CIT: variants seen among roughly 807,000 people sequenced by gnomAD.
CIT encodes citron Rho-interacting kinase.
A neutral mutation model predicts 272.7 loss-of-function variants in CIT; 79 were observed. The ratio of observed to expected loss-of-function variants is 0.29; its 90% CI spans 0.24 to 0.35. The LOEUF (loss-of-function observed/expected upper bound fraction) is 0.35, where lower values mean the gene tolerates loss of function less well. Among genes scored for constraint, CIT ranks in the 10% least tolerant of loss-of-function variants. The pLI is 1.00. For synonymous variants in CIT, 948 were observed against 995.6 expected (o/e 0.95, Z 0.90); for missense variants, 1,909 against 2,618.3 (o/e 0.73, Z 5.91).
At chr12:119,714,958 C>T (rs1957371810) in intron 32 of CIT, among the ~76,000 whole-genome samples, 1 of 152,226 alleles carries the variant, frequency 6.6e-6, no homozygotes, top group Non-Finnish European at 1.5e-5. Context: ...TATGGTTTGG[C>T]TGTGTCCCCA....
chr12:119,698,774 G>T (rs1179148504), intron 44 of CIT, among the ~76,000 whole-genome samples: 2 of 152,022 alleles, frequency 1.3e-5, no homozygotes, highest in African/African-American at 4.8e-5. Flanking sequence ...CTGGAAAAAA[G>T]AATATATATA....
intron 10 of CIT, among the ~76,000 whole-genome samples, chr12:119,801,807 CCA>C (rs1459384925): frequency 2.0e-5 from 3 of 152,222 alleles, no homozygotes; most frequent in Non-Finnish European, 4.4e-5. Context: ...CCACCACCAT[CCA>C]GATTGCTTTG....
chr12:119,734,203 C>A lies in CIT; in HGVS notation c.3311G>T (p.Arg1104Leu). The A allele has an allele frequency of 6.2e-7, 1 of 1,613,764 alleles. No individual in the cohort carries two copies. The highest frequency in any genetic ancestry group is 8.5e-7 in the Non-Finnish European group (1 of 1,179,972). ...GGTGTCCAGCATTCTCTGCAGCTCT[C>A]GAACCCGACACTCAAACTGGGATTT... ...DEKSQFECRV[R>L]ELQRMLDTEK... The change falls in exon 26 of 48, where the codon CGA (arginine) becomes CTA (leucine). Residue 1104 changes from arginine to leucine, a missense_variant. By Grantham distance (102) the Arg-to-Leu change is moderately radical. Transcript: ENST00000392521.
chr12:119,758,262 A>T (rs1375145505), intron 21 of CIT, among the ~76,000 whole-genome samples: 1 of 152,208 alleles, frequency 6.6e-6, no homozygotes, highest in Non-Finnish European at 1.5e-5. Flanking sequence ...CTGGGCACAC[A>T]CAATTTCACC....
chr12:119,725,627 G>A (rs1243175646), intron 28 of CIT, among the ~76,000 whole-genome samples: 1 of 152,158 alleles, frequency 6.6e-6, no homozygotes, highest in Non-Finnish European at 1.5e-5. Flanking sequence ...TCAGCCAGAA[G>A]TCTGTGCTCA....
At chr12:119,689,065 G>C (rs1461576081) in intron 47 of CIT, among the ~76,000 whole-genome samples, 1 of 152,044 alleles carries the variant, frequency 6.6e-6, no homozygotes, top group Non-Finnish European at 1.5e-5. Flanking sequence ...TGTAGTCGCA[G>C]CTATTCAGGA....
chr12:119,779,865 C>G (rs1964123779), intron 13 of CIT, among the ~76,000 whole-genome samples: 1 of 152,194 alleles, frequency 6.6e-6, no homozygotes, highest in African/African-American at 2.4e-5. Context: ...GTGCAGGATA[C>G]TTCAAGGAAA....
chr12:119,798,641 A>G (rs1455843287), intron 10 of CIT, among the ~76,000 whole-genome samples: 1 of 152,152 alleles, frequency 6.6e-6, no homozygotes, highest in African/African-American at 2.4e-5. Context: ...ACCAACCCAA[A>G]TATTTTACTT....
chr12:119,835,405 TC>T (rs573836558), intron 5 of CIT, among the ~76,000 whole-genome samples: 1 of 151,714 alleles, frequency 6.6e-6, no homozygotes, highest in Non-Finnish European at 1.5e-5. Context: ...TTCCCTTTCT[TC>T]CCCCCCACTT....
rs1964590165 is a variant in CIT at position 119,784,498 on chromosome 12, G to C, written c.1402-447C>G. On this transcript the variant is annotated intron_variant, in intron 11 of 47. Transcript: ENST00000392521. This position sits in a 1 kb window ranked among gnomAD's most constrained non-coding sequence, Gnocchi z 4.7. ...CTCTTAGGAGTCCCAGGCAAGCAGT[G>C]ACTTATTAGTTTCCAGAGCGTTGCC... is the stretch of plus-strand genomic sequence containing the variant. The C allele has an allele frequency of 7.6e-6, 9 of 1,187,448 alleles. No individual in the cohort carries two copies. In the South Asian group the frequency reaches 1.5e-4, roughly 20 times the overall value. 73.6% of individuals were successfully genotyped at this position (1,187,448 alleles called of 1,614,324 possible). A position where few individuals can be genotyped will look rare whatever the true frequency, so the allele number is the denominator to read the frequency against.
intron 3 of CIT, among the ~76,000 whole-genome samples, chr12:119,860,337 G>A (rs1950300671): frequency 6.6e-6 from 1 of 152,088 alleles, no homozygotes; most frequent in South Asian, 2.1e-4. Flanking sequence ...CGTGACCACT[G>A]TAAAAAACAA....
At chr12:119,693,645 G>A (rs772692122) in intron 46 of CIT, among the ~76,000 whole-genome samples, 1 of 152,206 alleles carries the variant, frequency 6.6e-6, no homozygotes, top group African/African-American at 2.4e-5. Context: ...GGACTGTGGT[G>A]CACTGAGCAG....
Position 119,697,933 on chromosome 12 carries a change from CCCAATAGCTGAAGTTTT to C in CIT, c.5702+26_5702+42del. The C allele has an allele frequency of 6.2e-7, 1 of 1,613,400 alleles. No individual in the cohort carries two copies. Among genetic ancestry groups the C allele is most frequent in the Non-Finnish European group, 8.5e-7 (1 of 1,179,374 alleles). ...ACATGCGGCCGGCCCCAACACCTAC[CCCAATAGCTGAAGTTTT>C]CCACGCATGGGAGGACAATGCTTAC... On this transcript the variant is annotated intron_variant, in intron 45 of 47. Coordinates refer to ENST00000392521, the MANE Select transcript of CIT (RefSeq NM_001206999.2). The surrounding 1 kb of genome is among the most constrained non-coding windows in gnomAD (Gnocchi z 4.9).
chr12:119,724,221 G>A (rs1176024004), intron 28 of CIT, among the ~76,000 whole-genome samples: 2 of 152,132 alleles, frequency 1.3e-5, no homozygotes, highest in Admixed American at 1.3e-4. Flanking sequence ...TATCTCCCAG[G>A]AACATTGCAA....
At chr12:119,747,863 G>C (rs564751327) in intron 23 of CIT, among the ~76,000 whole-genome samples, 52 of 152,222 alleles carry the variant, frequency 3.4e-4, no homozygotes, top group Middle Eastern at 3.4e-3. Context: ...TCTTAGTATT[G>C]TTATGAAAAC....
At position 119,718,490 on chromosome 12, in the gene CIT, C is replaced by T; in HGVS notation, c.4004-81G>A. On this transcript the variant is annotated intron_variant, in intron 31 of 47. Coordinates refer to ENST00000392521, the MANE Select transcript of CIT (RefSeq NM_001206999.2). This position sits in a 1 kb window ranked among gnomAD's most constrained non-coding sequence, Gnocchi z 4.8. ...ACTAAGCCGAATGTCCCTGGGCTAT[C>T]TTTCAAGGACCCAAGACCAAAAGAA... is the stretch of plus-strand genomic sequence containing the variant. 6.6e-7 allele frequency: 1 copy of T among 1,515,828 alleles called. No individual in the cohort carries two copies. 93.9% of individuals were successfully genotyped at this position (1,515,828 alleles called of 1,614,324 possible).
chr12:119,774,432 T>G (rs1392516719), intron 16 of CIT, among the ~76,000 whole-genome samples: 1 of 152,164 alleles, frequency 6.6e-6, no homozygotes, highest in Non-Finnish European at 1.5e-5. Context: ...CCATTAAGCA[T>G]TTCCAGTGTT....
rs191348026 is a variant in CIT at position 119,775,070 on chromosome 12, C to T, written c.1941+716G>A. ...TGCAGATCACCTGAGGTCAGGAGTTCGAGACCAGCCTGACCAACATGGTGA... is the reference window on the plus strand; with the variant it reads ...TGCAGATCACCTGAGGTCAGGAGTTTGAGACCAGCCTGACCAACATGGTGA... On this transcript the variant is annotated intron_variant, in intron 16 of 47. Transcript: ENST00000392521. 1.6e-4 allele frequency among the ~76,000 whole-genome samples: 24 copies of T among 152,068 alleles called. No individual in the cohort carries two copies. In the East Asian group the frequency reaches 4.7e-3, roughly 30 times the overall value.
rs181201329 is a variant in CIT at position 119,786,271 on chromosome 12, A to C, written c.1296-1206T>G. ...TGATGCACTTGCTTATACAACTCTTAGGAAAATATCACAAAAATAACATAG... is the reference window on the plus strand; with the variant it reads ...TGATGCACTTGCTTATACAACTCTTCGGAAAATATCACAAAAATAACATAG... On this transcript the variant is annotated intron_variant, in intron 10 of 47. Coordinates refer to ENST00000392521, the MANE Select transcript of CIT (RefSeq NM_001206999.2). 2.0e-5 allele frequency among the ~76,000 whole-genome samples: 3 copies of C among 152,268 alleles called. No homozygotes were observed. In the East Asian group the frequency reaches 5.8e-4, roughly 29 times the overall value.
Sources: allele counts gnomAD v4.1 joint callset (sites outside exome capture counted in the v4.1 genomes callset), GRCh38; gene constraint gnomAD v4.1.1; non-coding constraint Gnocchi (gnomAD v3.1); transcripts MANE v1.5; gene names NCBI Gene and HGNC (gene_info 2026-07-23, HGNC 2026-07-21).